Variants in TACC2 observed in about 807,000 individuals in gnomAD.
TACC2 encodes transforming acidic coiled-coil-containing protein 2.
Under a neutral mutation model 227.3 loss-of-function variants are expected in TACC2, and 137 were observed. The ratio of observed to expected loss-of-function variants is 0.60; its 90% confidence interval spans 0.52 to 0.69. The LOEUF is 0.69. Ranked by LOEUF, TACC2 falls within the 30% of genes least tolerant of loss-of-function variation. The pLI is 0.00. For missense variants in TACC2, 3,470 were observed against 3,694.4 expected, an observed-to-expected ratio of 0.94 and a Z score of 1.57; for synonymous variants, 1,523 against 1,487.5, an observed-to-expected ratio of 1.02 and a Z score of -0.55.
rs1591823150 is a variant in TACC2 at position 122,085,271 on chromosome 10, A to G, written c.2771A>G (p.Glu924Gly). The G allele has an allele frequency of 1.2e-6, 2 of 1,614,028 alleles. No homozygotes were observed. Among genetic ancestry groups the G allele is most frequent in the East Asian group, 4.5e-5 (2 of 44,878 alleles). ...PTSSPTDMVW[E>G]SSLTEESELS... ...TCATCTCCCACTGACATGGTTTGGG[A>G]GAGTTCTCTGACAGAAGAGTCAGAA... is the stretch of plus-strand genomic sequence containing the variant. Residue 924 changes from glutamate to glycine, a missense_variant, in exon 4 of 23, where the codon GAG (glutamate) becomes GGG (glycine). By Grantham distance (98) the Glu-to-Gly change is moderately conservative. This residue lies in a region of TACC2 where 1,924 missense variants were observed against 1,978.3 expected (regional missense o/e 0.97). Transcript: ENST00000369005.
chr10:122,171,855 T>C (rs904963480), intron 7 of TACC2, among the ~76,000 whole-genome samples: 1 of 152,230 alleles, frequency 6.6e-6, no homozygotes, highest in Non-Finnish European at 1.5e-5. Flanking sequence ...GGCCAGGCCC[T>C]TCCATGAGTC....
chr10:122,021,089 G>T (rs888252332), intron 1 of TACC2, among the ~76,000 whole-genome samples: 2 of 152,148 alleles, frequency 1.3e-5, no homozygotes, highest in Non-Finnish European at 2.9e-5. Flanking sequence ...AATTAGCCAG[G>T]TGTGGTGGCG....
intron 19 of TACC2, among the ~76,000 whole-genome samples, chr10:122,245,229 G>T (rs552576671): frequency 6.6e-6 from 1 of 152,292 alleles, no homozygotes; most frequent in African/African-American, 2.4e-5. Flanking sequence ...AAGTCTTCAG[G>T]AGCATTGTTT....
At position 122,069,873 on chromosome 10, in the gene TACC2, C is replaced by T. The variant is rs7097437; in HGVS notation, c.147-12774C>T. On this transcript the variant is annotated intron_variant, in intron 3 of 22. Transcript: ENST00000369005. ...GTATCACCGACACTTGCAGTCTCCC[C>T]TCTGTCTTGCTGTGACCTCAAATGC... Among the ~76,000 whole-genome samples the T allele has an allele frequency of 3.6e-3, 547 of 152,302 alleles. 3 individuals carry two copies. Among genetic ancestry groups the T allele is most frequent in the African/African-American group, 0.012 (509 of 41,566 alleles).
chr10:122,154,985 G>A (rs558369854), intron 7 of TACC2, among the ~76,000 whole-genome samples: 1 of 152,326 alleles, frequency 6.6e-6, no homozygotes, highest in South Asian at 2.1e-4. Context: ...GGGCAGCCCT[G>A]TGCCAGCTTC....
chr10:122,189,772 T>G (rs1484765200), intron 7 of TACC2, among the ~76,000 whole-genome samples: 1 of 152,160 alleles, frequency 6.6e-6, no homozygotes, highest in African/African-American at 2.4e-5. Flanking sequence ...AGGATGAGTG[T>G]TGTATTTAGA....
In TACC2 at chr10:122,021,821, CGT is replaced by C. The variant is rs1408016115; in HGVS notation, c.-45-115_-45-114del. 6.6e-5 allele frequency: 42 copies of C among 635,824 alleles called. No individual in the cohort carries two copies. In the African/African-American group the frequency reaches 7.2e-4, roughly 11 times the overall value. The allele number at this position is 635,824 out of a possible 1,614,324, so 39.4% of individuals were successfully genotyped here. ...CAAAAGTAATTTTCCATGATGTGAC[CGT>C]AGAGATAAACATTTCCCATCATCTG... is the stretch of plus-strand genomic sequence containing the variant. On this transcript the variant is annotated intron_variant, in intron 1 of 22. Transcript: ENST00000369005.
intron 9 of TACC2, among the ~76,000 whole-genome samples, chr10:122,213,843 C>A (rs985284577): frequency 6.6e-6 from 1 of 152,292 alleles, no homozygotes; most frequent in South Asian, 2.1e-4. Flanking sequence ...ATATTTGGGC[C>A]GTTCCAAATT....
Position 122,021,978 on chromosome 10 carries a change from C to T in TACC2, c.-4C>T. 1 of 1,614,086 alleles carries T rather than the reference C, an allele frequency of 6.2e-7. No homozygotes were observed. Among genetic ancestry groups the T allele is most frequent in the Non-Finnish European group, 8.5e-7 (1 of 1,179,988 alleles). ...TCTGGGGACGCTGGGAACACTGAAT[C>T]AACATGGGCAATGAGAACAGCACCT... On this transcript the variant is annotated 5_prime_UTR_variant, in exon 2 of 23. Transcript: ENST00000369005.
At chr10:121,996,826 A>G (rs560887931) in intron 1 of TACC2, among the ~76,000 whole-genome samples, 1 of 152,148 alleles carries the variant, frequency 6.6e-6, no homozygotes, top group South Asian at 2.1e-4. Flanking sequence ...CAGTTGGTGC[A>G]GGAGTGAGAC....
intron 6 of TACC2, among the ~76,000 whole-genome samples, chr10:122,142,688 AC>A (rs1300725108): frequency 6.6e-6 from 1 of 152,078 alleles, no homozygotes; most frequent in Non-Finnish European, 1.5e-5. Context: ...CCCAGCTACC[AC>A]CTCAGGCTGG....
In TACC2 at chr10:122,229,441, C is replaced by T. The variant is rs762996567; in HGVS notation, c.7992C>T (p.Pro2664=). The stretch of plus-strand genomic sequence containing the variant: ...GTGGTGCACTTGACTATCTGGAGCC[C>T]GACTTAGCAGAAAAGAACCCCCCAC... ...SLCGALDYLE[P]DLAEKNPPLF... The change falls in exon 15 of 23, where the codon CCC becomes CCT. Residue 2664 remains proline (P), a synonymous_variant. Transcript: ENST00000369005. 32 of 1,613,850 alleles carry T rather than the reference C, an allele frequency of 2.0e-5. No individual in the cohort carries two copies. The highest frequency in any genetic ancestry group is 1.0e-4 in the Admixed American group (6 of 59,998).
intron 3 of TACC2, among the ~76,000 whole-genome samples, chr10:122,066,905 C>T (rs1027066649): frequency 6.6e-6 from 1 of 152,166 alleles, no homozygotes; most frequent in African/African-American, 2.4e-5. Flanking sequence ...ATCTCACAAT[C>T]TACTTTCACA....
At chr10:122,125,203 G>T (rs1487748257) in intron 5 of TACC2, among the ~76,000 whole-genome samples, 1 of 151,932 alleles carries the variant, frequency 6.6e-6, no homozygotes, top group Non-Finnish European at 1.5e-5. Flanking sequence ...ATGACTTTTT[G>T]AGTTTTTTTG....
intron 5 of TACC2, among the ~76,000 whole-genome samples, chr10:122,096,067 C>T (rs1326196339): frequency 6.6e-6 from 1 of 152,172 alleles, no homozygotes; most frequent in Non-Finnish European, 1.5e-5. Flanking sequence ...CCTGCTGGTG[C>T]TCGGTGAGTA....
At chr10:122,234,694 T>G (rs1465571770) in intron 16 of TACC2, among the ~76,000 whole-genome samples, 2 of 152,244 alleles carry the variant, frequency 1.3e-5, no homozygotes, top group East Asian at 3.8e-4. Flanking sequence ...TAGTGTCCAT[T>G]TGAATTTTCT....
chr10:122,172,023 C>T (rs2093498237), intron 7 of TACC2, among the ~76,000 whole-genome samples: 1 of 152,080 alleles, frequency 6.6e-6, no homozygotes, highest in African/African-American at 2.4e-5. Context: ...GAAAGCTGAC[C>T]CCTCCTGAGG....
intron 3 of TACC2, among the ~76,000 whole-genome samples, chr10:122,068,145 T>C (rs888456864): frequency 2.0e-5 from 3 of 152,164 alleles, no homozygotes; most frequent in Non-Finnish European, 4.4e-5. Flanking sequence ...ATTTTAGACA[T>C]TGCAGTTTTC....
In TACC2 at chr10:122,083,328, G is replaced by A. The variant is rs138069008; in HGVS notation, c.828G>A (p.Pro276=). The A allele has an allele frequency of 3.0e-5, 48 of 1,613,850 alleles. No individual in the cohort carries two copies. The African/African-American group carries it at 3.5e-4, about 12-fold the overall frequency. ...LEKSPLKPMA[P]IPQDPAPRAS... is the part of the protein sequence containing the mutation. ...AGTCCCCCCTAAAACCCATGGCCCC[G>A]ATCCCACAAGATCCAGCCCCAAGAG... The change falls in exon 4 of 23, where the codon CCG becomes CCA. Residue 276 remains proline, a synonymous_variant. Transcript: ENST00000369005.
Sources: allele counts gnomAD v4.1 joint callset (sites outside exome capture counted in the v4.1 genomes callset), GRCh38; gene constraint gnomAD v4.1.1; regional missense constraint gnomAD v4.1.1; transcripts MANE v1.5; gene names NCBI Gene and HGNC (gene_info 2026-07-23, HGNC 2026-07-21).